USP26: variants seen among roughly 807,000 people sequenced by gnomAD.
USP26 encodes the protein ubiquitin specific peptidase 26.
For missense variants in USP26, 649 were observed against 642.3 expected (o/e 1.01, Z -0.11); for synonymous variants, 236 against 240.6 (o/e 0.98, Z 0.18).
chrX:133,028,320 T>C (rs1307947108), intron 5 of USP26, 24 bp from the exon 6 acceptor site: 2 of 899,027 alleles, frequency 2.2e-6, no homozygotes, highest in South Asian at 2.2e-5. Flanking sequence ...ACCAAAGAAA[T>C]AGTTCATTAG....
chrX:133,069,349 A>C (rs4830259), intron 5 of USP26, among the ~76,000 whole-genome samples: 1,918 of 111,672 alleles, frequency 0.017, 17 homozygotes, highest in Non-Finnish European at 0.029. Flanking sequence ...AAGGATTAGA[A>C]ACAAAAACTT....
intron 1 of USP26, among the ~76,000 whole-genome samples, chrX:133,094,639 C>T (rs2067621502): frequency 9.0e-6 from 1 of 111,364 alleles, no homozygotes; most frequent in Non-Finnish European, 1.9e-5. Flanking sequence ...ATGCAAAAAA[C>T]TCGAGCAGAA....
chrX:133,079,345 T>A (rs1378297761), intron 5 of USP26, among the ~76,000 whole-genome samples: 1 of 112,049 alleles, frequency 8.9e-6, no homozygotes, highest in Admixed American at 9.5e-5. Flanking sequence ...ACAGCCCCTT[T>A]AAGAAGCTGG....
intron 4 of USP26, among the ~76,000 whole-genome samples, chrX:133,086,218 G>C (rs749533389): frequency 3.6e-5 from 4 of 112,420 alleles, no homozygotes; most frequent in Non-Finnish European, 5.6e-5. Flanking sequence ...AAAGTGCTCA[G>C]TGAGCTTGCC....
At chrX:133,084,825 T>G (rs1453945326) in intron 4 of USP26, among the ~76,000 whole-genome samples, 1 of 111,664 alleles carries the variant, frequency 9.0e-6, no homozygotes, top group African/African-American at 3.3e-5. Flanking sequence ...TGTGTGAGAT[T>G]TGGGTGCACC....
chrX:133,069,485 G>C (rs1205898173), intron 5 of USP26, among the ~76,000 whole-genome samples: 1 of 110,767 alleles, frequency 9.0e-6, no homozygotes, highest in Non-Finnish European at 1.9e-5. Context: ...AAAAAAAGGT[G>C]TCCAGTGAAG....
chrX:133,055,718 AG>A (rs1355338655), intron 5 of USP26, among the ~76,000 whole-genome samples: 1 of 111,681 alleles, frequency 9.0e-6, no homozygotes, highest in African/African-American at 3.3e-5. Context: ...TCCAAGAAAA[AG>A]TCCAGCAAGG....
At chrX:133,081,750 A>C in intron 5 of USP26, among the ~76,000 whole-genome samples, 1 of 112,263 alleles carries the variant, frequency 8.9e-6, no homozygotes, top group Non-Finnish European at 1.9e-5. Context: ...GATTGCCTTC[A>C]AGGGTACTAA....
intron 5 of USP26, among the ~76,000 whole-genome samples, chrX:133,054,746 C>T (rs959822263): frequency 2.7e-5 from 3 of 111,744 alleles, no homozygotes; most frequent in Non-Finnish European, 3.8e-5. Flanking sequence ...TAATGCCTAA[C>T]GATACAACCT....
At chrX:133,063,874 C>T (rs111769877) in intron 5 of USP26, among the ~76,000 whole-genome samples, 3,856 of 111,761 alleles carry the variant, frequency 0.035, 102 homozygotes, top group East Asian at 0.1. Context: ...AATTCACACA[C>T]AAAAATATCA....
In USP26 at chrX:133,027,918, A is replaced by T; in HGVS notation, c.303T>A (p.Val101=). The change falls in exon 6 of 6, where the codon GTT becomes GTA. Residue 101 remains valine (V), a synonymous_variant. Transcript: ENST00000511190. ...CAGGTGGCTGAACCTCGTTTTGATG[A>T]ACTCTGTCCAAGAATATCTTCAATT... The part of the protein sequence containing the change: ...AEQLKIFLDR[V]HQNEVQPPVR... 1.7e-6 allele frequency: 2 copies of T among 1,210,906 alleles called. No homozygotes were observed. Among genetic ancestry groups the T allele is most frequent in the Non-Finnish European group, 2.2e-6 (2 of 894,950 alleles).
intron 5 of USP26, among the ~76,000 whole-genome samples, chrX:133,059,130 C>A (rs1055901737): frequency 5.4e-5 from 6 of 111,498 alleles, no homozygotes; most frequent in Non-Finnish European, 1.1e-4. Flanking sequence ...TCTTCCCCTC[C>A]ATTTCTGCCA....
chrX:133,057,866 A>ATATATACATATTTTTT lies in USP26; in HGVS notation c.-77+25840_-77+25841insAAAAAATATGTATATA. On this transcript the variant is annotated intron_variant, in intron 5 of 5. Coordinates refer to ENST00000511190, the MANE Select transcript of USP26 (RefSeq NM_031907.3). ...ACATTATATATATATATATATATAT[A>ATATATACATATTTTTT]TTTTTTTTTTTTTTTTTTTTTTTTT... Among the ~76,000 whole-genome samples the ATATATACATATTTTTT allele has an allele frequency of 4.0e-3, 37 of 9,341 alleles. 2 individuals carry two copies. Among genetic ancestry groups the ATATATACATATTTTTT allele is most frequent in the African/African-American group, 0.023 (35 of 1,532 alleles). The allele number at this position is 9,341 out of a possible 115,157, so 8.1% of individuals were successfully genotyped here.
Position 133,026,650 on chromosome X carries a change from T to A in USP26, c.1571A>T (p.Tyr524Phe), listed in dbSNP as rs758708844. ...PRILIVHLKR[Y>F]SLNEFCALKK... ...TAATGCACAAAACTCATTCAAGCTA[T>A]AGCGTTTGAGGTGAACAATAAGGAT... Residue 524 changes from tyrosine to phenylalanine, a missense_variant, in exon 6 of 6, where the codon TAT becomes TTT. Coordinates refer to ENST00000511190, the MANE Select transcript of USP26 (RefSeq NM_031907.3). The A allele has an allele frequency of 8.3e-7, 1 of 1,208,885 alleles. No individual in the cohort carries two copies.
At chrX:133,083,907 C>T (rs1438829690) in intron 4 of USP26, 136 bp from the exon 5 acceptor site, 5 of 111,975 alleles carry the variant, frequency 4.5e-5, no homozygotes, top group Non-Finnish European at 7.5e-5. Flanking sequence ...TTTCCCTGTC[C>T]CTTCTACTGA....
intron 5 of USP26, among the ~76,000 whole-genome samples, chrX:133,030,664 A>C (rs1315787423): frequency 8.9e-6 from 1 of 112,017 alleles, no homozygotes; most frequent in Non-Finnish European, 1.9e-5. Flanking sequence ...TTTATATCTC[A>C]CACCACTCAG....
chrX:133,031,279 T>C (rs1312181074), intron 5 of USP26, among the ~76,000 whole-genome samples: 2 of 112,006 alleles, frequency 1.8e-5, no homozygotes, highest in Non-Finnish European at 3.8e-5. Flanking sequence ...TAACCATTTC[T>C]GGGTATCTCC....
In USP26 at chrX:133,025,986, C is replaced by G. The variant is rs768815604; in HGVS notation, c.2235G>C (p.Met745Ile). The part of the protein sequence containing the change: ...VSEQTQQCDG[M>I]RICEQAPQQA... Reference sequence around the variant, plus strand: ...GCTGAGGGGCTTGTTCACAGATTCTCATACCGTCACACTGCTGAGTCTGTT... The same window carrying G: ...GCTGAGGGGCTTGTTCACAGATTCTGATACCGTCACACTGCTGAGTCTGTT... Residue 745 changes from methionine (M) to isoleucine (I), a missense_variant, in exon 6 of 6, where the codon ATG becomes ATC. Physicochemically the swap from Met to Ile is conservative, Grantham distance 10 (BLOSUM62 1). Transcript: ENST00000511190. 1 of 1,210,959 alleles carries G rather than the reference C, an allele frequency of 8.3e-7. No homozygotes were observed. Among genetic ancestry groups the G allele is most frequent in the African/African-American group, 1.7e-5 (1 of 57,721 alleles).
chrX:133,078,563 T>C (rs1301875743), intron 5 of USP26, among the ~76,000 whole-genome samples: 2 of 112,150 alleles, frequency 1.8e-5, no homozygotes, highest in Non-Finnish European at 3.8e-5. Flanking sequence ...CCTGAATAAA[T>C]ATTTTCTTTT....
Sources: gnomAD v4.1 joint callset for allele counts (sites outside exome capture counted in the v4.1 genomes callset) on GRCh38, gnomAD v4.1.1 for gene constraint, MANE v1.5 for transcripts, NCBI Gene and HGNC (gene_info 2026-07-23, HGNC 2026-07-21) for gene names.